Variants in TNKS observed in about 807,000 individuals in gnomAD.
The protein encoded by TNKS is poly [ADP-ribose] polymerase tankyrase-1.
In TNKS, 72 loss-of-function variants were observed where a neutral mutation model predicts 135.8. The observed-to-expected ratio is 0.53, with a 90% CI of 0.44 to 0.64. TNKS has a LOEUF of 0.64. TNKS is among the 30% of genes least tolerant of loss of function. The probability of loss-of-function intolerance (pLI) is 0.00; values close to 1 mark genes in which losing one functional copy is unlikely to be tolerated. For missense variants in TNKS, 1,769 were observed against 1,674.0 expected (o/e 1.06, Z -0.99); for synonymous variants, 849 against 649.3 (o/e 1.31, Z -4.68).
intron 3 of TNKS, among the ~76,000 whole-genome samples, chr8:9,631,402 G>A (rs537113817): frequency 1.3e-5 from 2 of 152,136 alleles, no homozygotes; most frequent in Non-Finnish European, 2.9e-5. Context: ...TTCACATCAT[G>A]CTTATAAGTC....
chr8:9,746,556 T>G (rs35169606), intron 17 of TNKS, among the ~76,000 whole-genome samples: 40,288 of 152,120 alleles, frequency 0.26, 7,191 homozygotes, highest in Non-Finnish European at 0.4. Context: ...TATTGTTGTT[T>G]TCAAGGTTTT....
intron 26 of TNKS, among the ~76,000 whole-genome samples, chr8:9,776,161 A>G (rs1808216995): frequency 6.6e-6 from 1 of 152,186 alleles, no homozygotes. Context: ...TATTGTTCCC[A>G]AACTGTTGTT....
At position 9,657,738 on chromosome 8, in the gene TNKS, G is replaced by A. The variant is rs1585288173; in HGVS notation, c.995-22213G>A. 6.7e-5 allele frequency among the ~76,000 whole-genome samples: 8 copies of A among 119,702 alleles called. No individual in the cohort carries two copies. The East Asian group carries it at 1.1e-3, about 17-fold the overall frequency. 78.5% of individuals were successfully genotyped at this position (119,702 alleles called of 152,430 possible). A position where few individuals can be genotyped will look rare whatever the true frequency, so the allele number is the denominator to read the frequency against. ...CCAGTAGGGGCGGCCGGGCAGAGGC[G>A]CCCCTCACCTCCCGGACGGGGCGGC... On this transcript the variant is annotated intron_variant, in intron 3 of 26. Transcript: ENST00000310430.
At chr8:9,708,942 A>G (rs553823722) in intron 9 of TNKS, among the ~76,000 whole-genome samples, 3 of 152,168 alleles carry the variant, frequency 2.0e-5, no homozygotes, top group African/African-American at 4.8e-5. Context: ...TGGCAAGATC[A>G]TGAATTTTTT....
intron 5 of TNKS, among the ~76,000 whole-genome samples, chr8:9,696,462 G>T (rs571700660): frequency 6.6e-6 from 1 of 151,964 alleles, no homozygotes; most frequent in South Asian, 2.1e-4. Context: ...GCAAGAAAAA[G>T]AAATAAAAGG....
intron 3 of TNKS, among the ~76,000 whole-genome samples, chr8:9,651,586 G>C (rs932009261): frequency 2.0e-5 from 3 of 152,162 alleles, no homozygotes; most frequent in African/African-American, 7.2e-5. Flanking sequence ...GTTCCAGATT[G>C]GATACTCTCA....
chr8:9,647,194 A>G (rs1485360482), intron 3 of TNKS, among the ~76,000 whole-genome samples: 1 of 152,214 alleles, frequency 6.6e-6, no homozygotes, highest in South Asian at 2.1e-4. Flanking sequence ...GCACACTTCT[A>G]CCCTCAGTCT....
chr8:9,764,905 G>A (rs1027404296), intron 23 of TNKS, 115 bp downstream of exon 23: 19 of 730,568 alleles, frequency 2.6e-5, no homozygotes, highest in African/African-American at 2.0e-4. Context: ...AAGATAATTC[G>A]TCACCTGTCT....
chr8:9,606,156 T>TTC, intron 2 of TNKS, among the ~76,000 whole-genome samples: 1 of 144,122 alleles, frequency 6.9e-6, no homozygotes. Context: ...TATTTTGTGT[T>TTC]TTTTTTTTTT....
intron 5 of TNKS, among the ~76,000 whole-genome samples, chr8:9,683,892 C>G (rs1422857385): frequency 6.6e-6 from 1 of 151,784 alleles, no homozygotes; most frequent in African/African-American, 2.4e-5. Flanking sequence ...TGTTACTATG[C>G]TTTTATTTTA....
intron 17 of TNKS, chr8:9,743,324 A>T (rs919427120): frequency 6.6e-6 from 1 of 152,150 alleles, no homozygotes; most frequent in Non-Finnish European, 1.5e-5. Flanking sequence ...TAGTCTAGCA[A>T]ACTCTGCAGG....
At chr8:9,577,193 G>T (rs928757565) in intron 1 of TNKS, among the ~76,000 whole-genome samples, 4 of 151,978 alleles carry the variant, frequency 2.6e-5, no homozygotes, top group Non-Finnish European at 5.9e-5. Context: ...ATGAAAATTG[G>T]TAGAGGGCAA....
Position 9,778,574 on chromosome 8 carries a change from T to A in TNKS, c.*1838T>A, listed in dbSNP as rs1208448790. 6.6e-6 allele frequency: 1 copy of A among 152,670 alleles called. No individual in the cohort carries two copies. The highest frequency in any genetic ancestry group is 2.4e-5 in the African/African-American group (1 of 41,466). 9.5% of individuals were successfully genotyped at this position (152,670 alleles called of 1,614,324 possible). A position where few individuals can be genotyped will look rare whatever the true frequency, so the allele number is the denominator to read the frequency against. On this transcript the variant is annotated 3_prime_UTR_variant, in exon 27 of 27. Coordinates refer to ENST00000310430, the MANE Select transcript of TNKS (RefSeq NM_003747.3). ...AATTAGCCTCAGTTGTTGCTTCTTTTGAAGTTTCAGTGACCCAAGCTGGGT... is the reference window on the plus strand; with the variant it reads ...AATTAGCCTCAGTTGTTGCTTCTTTAGAAGTTTCAGTGACCCAAGCTGGGT...
chr8:9,664,255 G>C (rs2128789437), intron 3 of TNKS, among the ~76,000 whole-genome samples: 1 of 152,326 alleles, frequency 6.6e-6, no homozygotes, highest in Middle Eastern at 3.4e-3. Flanking sequence ...GGGGGAGTCA[G>C]CATGTGCAAA....
intron 3 of TNKS, among the ~76,000 whole-genome samples, chr8:9,627,540 ATTGC>A (rs36130596): frequency 0.13 from 19,130 of 148,212 alleles, 1,402 homozygotes; most frequent in Admixed American, 0.23. Context: ...CTGTGGCAAA[ATTGC>A]TTGCTTGCTT....
chr8:9,665,908 TC>T (rs1051836305), intron 3 of TNKS, among the ~76,000 whole-genome samples: 3 of 152,142 alleles, frequency 2.0e-5, no homozygotes, highest in Non-Finnish European at 4.4e-5. Context: ...TGGATCCTTT[TC>T]CCCTCCCTAA....
intron 13 of TNKS, 142 bp downstream of exon 13, chr8:9,726,862 A>C (rs1001542801): frequency 1.5e-6 from 1 of 670,852 alleles, no homozygotes; most frequent in Non-Finnish European, 2.6e-6. Flanking sequence ...CTGTACTACT[A>C]TTAAGGAATT....
intron 2 of TNKS, among the ~76,000 whole-genome samples, chr8:9,595,406 C>A (rs752155402): frequency 1.3e-5 from 2 of 152,106 alleles, no homozygotes; most frequent in Non-Finnish European, 2.9e-5. Flanking sequence ...GAAATAATCT[C>A]CGCTGACACT....
At chr8:9,743,511 T>G (rs896701932) in intron 17 of TNKS, 1 of 152,186 alleles carries the variant, frequency 6.6e-6, no homozygotes, top group Non-Finnish European at 1.5e-5. Context: ...GTTGTAATGA[T>G]TAAATGAGAC....
Sources: allele counts gnomAD v4.1 joint callset (sites outside exome capture counted in the v4.1 genomes callset), GRCh38; gene constraint gnomAD v4.1.1; transcripts MANE v1.5; gene names NCBI Gene and HGNC (gene_info 2026-07-23, HGNC 2026-07-21).